SHISA6: variants seen among roughly 807,000 people sequenced by gnomAD.
The protein encoded by SHISA6 is shisa family member 6, also known as protein shisa-6.
In SHISA6, 22 loss-of-function variants were observed where a neutral mutation model predicts 47.9. The observed-to-expected ratio is 0.46, with a 90% confidence interval of 0.33 to 0.66. The LOEUF (loss-of-function observed/expected upper bound fraction) is 0.66. Ranked by LOEUF, SHISA6 falls within the 30% of genes least tolerant of loss-of-function variation. The probability of loss-of-function intolerance (pLI) is 0.02; values close to 1 mark genes in which losing one functional copy is unlikely to be tolerated. For synonymous variants in SHISA6, 388 were observed against 337.8 expected (o/e 1.15, Z -1.63); for missense variants, 680 against 764.6 (o/e 0.89, Z 1.30).
At chr17:11,527,139 C>T (rs1185010333) in intron 3 of SHISA6, among the ~76,000 whole-genome samples, 1 of 151,974 alleles carries the variant, frequency 6.6e-6, no homozygotes, top group Non-Finnish European at 1.5e-5. Flanking sequence ...CAGCTTCTGG[C>T]TTGATTAACC....
chr17:11,530,574 C>A (rs1035628995), intron 3 of SHISA6, among the ~76,000 whole-genome samples: 1 of 152,212 alleles, frequency 6.6e-6, no homozygotes, highest in African/African-American at 2.4e-5. Flanking sequence ...AGATACTCAG[C>A]TGCTCCCAGA....
chr17:11,465,910 T>TGAGA (rs1419268423), intron 3 of SHISA6, among the ~76,000 whole-genome samples: 1 of 152,182 alleles, frequency 6.6e-6, no homozygotes, highest in African/African-American at 2.4e-5. Flanking sequence ...AGAGACTTAG[T>TGAGA]GACTGTATTG....
intron 3 of SHISA6, among the ~76,000 whole-genome samples, chr17:11,532,558 C>G (rs1454087620): frequency 2.6e-4 from 40 of 152,252 alleles, no homozygotes; most frequent in Non-Finnish European, 3.1e-4. Context: ...GAACATTTTC[C>G]TATGATCCCA....
Position 11,555,807 on chromosome 17 carries a change from G to A in SHISA6, c.1020G>A (p.Ser340=), listed in dbSNP as rs377388134. 9.6e-5 allele frequency: 149 copies of A among 1,550,944 alleles called. No homozygotes were observed. The highest frequency in any genetic ancestry group is 1.7e-4 in the East Asian group (7 of 40,800). ...TEPYDLSFSR[S]FQNLAHLPPS... is the part of the protein sequence containing the mutation. Reference sequence around the variant, plus strand: ...CCTATGACCTCTCCTTCTCCCGCTCGTTCCAGAACTTGGCCCACCTGCCCC... The same window carrying A: ...CCTATGACCTCTCCTTCTCCCGCTCATTCCAGAACTTGGCCCACCTGCCCC... Residue 340 remains serine, a synonymous_variant, in exon 5 of 6, where the codon TCG becomes TCA. Coordinates refer to ENST00000441885, the MANE Select transcript of SHISA6 (RefSeq NM_207386.4).
At chr17:11,432,204 A>G (rs1243902883) in intron 3 of SHISA6, among the ~76,000 whole-genome samples, 2 of 152,176 alleles carry the variant, frequency 1.3e-5, no homozygotes, top group Non-Finnish European at 2.9e-5. Flanking sequence ...AAAAATAAAA[A>G]TGGATTTCTG....
chr17:11,332,732 G>A (rs1438156431), intron 2 of SHISA6, among the ~76,000 whole-genome samples: 2 of 152,128 alleles, frequency 1.3e-5, no homozygotes, highest in South Asian at 2.1e-4. Flanking sequence ...TGCCCATGCC[G>A]GGGTTGGGGA....
chr17:11,413,976 G>T (rs1054436080), intron 3 of SHISA6, among the ~76,000 whole-genome samples: 2 of 152,012 alleles, frequency 1.3e-5, no homozygotes, highest in African/African-American at 2.4e-5. Context: ...AAACTGGGAG[G>T]TTGGGGACTT....
chr17:11,317,975 C>T (rs935346831), intron 2 of SHISA6, among the ~76,000 whole-genome samples: 7 of 152,312 alleles, frequency 4.6e-5, no homozygotes, highest in African/African-American at 1.4e-4. Flanking sequence ...CCCTGCCACT[C>T]ATTCCACCTG....
intron 3 of SHISA6, among the ~76,000 whole-genome samples, chr17:11,445,487 A>C (rs1018197870): frequency 6.6e-6 from 1 of 152,236 alleles, no homozygotes; most frequent in Non-Finnish European, 1.5e-5. Context: ...TAGCAATGCA[A>C]CTATATCAGT....
At chr17:11,465,727 T>C (rs1915794088) in intron 3 of SHISA6, among the ~76,000 whole-genome samples, 1 of 152,136 alleles carries the variant, frequency 6.6e-6, no homozygotes, top group African/African-American at 2.4e-5. Flanking sequence ...GGTGCAGCAG[T>C]GGGGGTGATG....
intron 2 of SHISA6, among the ~76,000 whole-genome samples, chr17:11,284,377 G>T (rs1398715569): frequency 6.6e-6 from 1 of 152,026 alleles, no homozygotes; most frequent in Non-Finnish European, 1.5e-5. Flanking sequence ...CTTTATGCTT[G>T]TTACCTCATG....
At chr17:11,497,052 C>T (rs993163613) in intron 3 of SHISA6, among the ~76,000 whole-genome samples, 1 of 152,256 alleles carries the variant, frequency 6.6e-6, no homozygotes, top group Non-Finnish European at 1.5e-5. Flanking sequence ...CACTGAGCTA[C>T]ACACTGTAGT....
At chr17:11,367,496 A>G (rs1912493841) in intron 2 of SHISA6, among the ~76,000 whole-genome samples, 1 of 152,208 alleles carries the variant, frequency 6.6e-6, no homozygotes, top group Non-Finnish European at 1.5e-5. Flanking sequence ...ACATTTGGGA[A>G]TTGGAAGAAC....
chr17:11,403,526 C>T (rs571873827), intron 3 of SHISA6, among the ~76,000 whole-genome samples: 3 of 152,302 alleles, frequency 2.0e-5, no homozygotes, highest in Admixed American at 2.0e-4. Flanking sequence ...GACTTAGTGA[C>T]TCCACATCAA....
At chr17:11,538,886 GAGAGTTA>G (rs1280952427) in intron 3 of SHISA6, among the ~76,000 whole-genome samples, 1 of 152,162 alleles carries the variant, frequency 6.6e-6, no homozygotes, top group Non-Finnish European at 1.5e-5. Context: ...CCCCAGACAT[GAGAGTTA>G]TAGCCAATAT....
At chr17:11,257,033 A>C (rs531217859) in intron 1 of SHISA6, among the ~76,000 whole-genome samples, 4 of 152,162 alleles carry the variant, frequency 2.6e-5, no homozygotes, top group African/African-American at 9.7e-5. Flanking sequence ...GCTGGGGACA[A>C]CTCAGACCTG....
At chr17:11,408,429 T>C (rs1355872070) in intron 3 of SHISA6, among the ~76,000 whole-genome samples, 3 of 152,116 alleles carry the variant, frequency 2.0e-5, no homozygotes, top group African/African-American at 7.2e-5. Flanking sequence ...GCCCTCCAGG[T>C]GATTCTGATG....
chr17:11,346,467 CAG>C (rs1403633268), intron 2 of SHISA6, among the ~76,000 whole-genome samples: 2 of 152,258 alleles, frequency 1.3e-5, no homozygotes, highest in Middle Eastern at 3.4e-3. Flanking sequence ...AGTGAACTCT[CAG>C]AGATTTCAGA....
chr17:11,535,353 G>A (rs2071778050), intron 3 of SHISA6, among the ~76,000 whole-genome samples: 1 of 152,160 alleles, frequency 6.6e-6, no homozygotes, highest in Admixed American at 6.5e-5. Flanking sequence ...GCTGGTTTCT[G>A]CCAGGCTGCA....
Sources: gnomAD v4.1 joint callset for allele counts (sites outside exome capture counted in the v4.1 genomes callset) on GRCh38, gnomAD v4.1.1 for gene constraint, MANE v1.5 for transcripts, NCBI Gene and HGNC (gene_info 2026-07-23, HGNC 2026-07-21) for gene names.